GABBR2: variants seen among roughly 807,000 people sequenced by gnomAD.
The protein encoded by GABBR2 is G-protein coupled receptor 51.
In GABBR2, 23 loss-of-function variants were observed where a neutral mutation model predicts 105.6. The observed-to-expected ratio is 0.22, with a 90% CI of 0.16 to 0.31. GABBR2 has a LOEUF of 0.31. Among genes scored for constraint, GABBR2 ranks in the 10% least tolerant of loss-of-function variants. The probability of loss-of-function intolerance (pLI) is 1.00; values close to 1 mark genes in which losing one functional copy is unlikely to be tolerated. For synonymous variants in GABBR2, 478 were observed against 499.7 expected (o/e 0.96, Z 0.58); for missense variants, 734 against 1,245.5 (o/e 0.59, Z 6.18).
chr9:98,480,857 C>A (rs1374920720), intron 5 of GABBR2, 75 bp downstream of exon 5: 2 of 839,672 alleles, frequency 2.4e-6, no homozygotes, highest in African/African-American at 3.3e-5. Context: ...ACAGACTGAG[C>A]AGGGAGATAA....
intron 2 of GABBR2, among the ~76,000 whole-genome samples, chr9:98,575,103 G>A (rs1251396900): frequency 1.3e-5 from 2 of 151,850 alleles, no homozygotes; most frequent in Admixed American, 6.5e-5. Context: ...CCCCAAATCT[G>A]CAAAACCCTA....
intron 7 of GABBR2, among the ~76,000 whole-genome samples, chr9:98,426,501 C>G (rs529428730): frequency 1.3e-5 from 2 of 152,178 alleles, no homozygotes; most frequent in Non-Finnish European, 1.5e-5. Context: ...GATGAGTCAC[C>G]AGTTGAGCCC....
At position 98,454,270 on chromosome 9, in the gene GABBR2, A is replaced by G; in HGVS notation, c.1000-53T>C. 1 of 1,257,388 alleles carries G rather than the reference A, an allele frequency of 8.0e-7. No individual in the cohort carries two copies. The highest frequency in any genetic ancestry group is 1.2e-6 in the Non-Finnish European group (1 of 855,110). The allele number at this position is 1,257,388 out of a possible 1,614,324, so 77.9% of individuals were successfully genotyped here. A position where few individuals can be genotyped will look rare whatever the true frequency, so the allele number is the denominator to read the frequency against. ...CCAAGTTATACTCGGCAGGGACATC[A>G]GGTGCCTGATGCCGAGAAGAGCTGC... On this transcript the variant is annotated intron_variant, in intron 6 of 18. Transcript: ENST00000259455. The surrounding 1 kb of genome is among the most constrained non-coding windows in gnomAD (Gnocchi z 4.6).
intron 2 of GABBR2, among the ~76,000 whole-genome samples, chr9:98,571,529 G>A (rs539005558): frequency 6.6e-6 from 1 of 152,316 alleles, no homozygotes; most frequent in South Asian, 2.1e-4. Context: ...TGAAATGGCT[G>A]TGGTTTTGAT....
chr9:98,671,965 T>C (rs912028942), intron 1 of GABBR2, among the ~76,000 whole-genome samples: 2 of 152,150 alleles, frequency 1.3e-5, no homozygotes, highest in Admixed American at 6.5e-5. Flanking sequence ...GGTGGGGGCA[T>C]GAAGGAGGTA....
intron 1 of GABBR2, among the ~76,000 whole-genome samples, chr9:98,605,751 A>G (rs145365251): frequency 2.8e-3 from 429 of 152,312 alleles, no homozygotes; most frequent in Admixed American, 4.1e-3. Context: ...ATTCGGGATA[A>G]TGGAACTGTT....
At chr9:98,661,642 C>A (rs1830265417) in intron 1 of GABBR2, among the ~76,000 whole-genome samples, 1 of 152,182 alleles carries the variant, frequency 6.6e-6, no homozygotes, top group South Asian at 2.1e-4. Flanking sequence ...CTCAGGTGAT[C>A]CACCTGCCTC....
At chr9:98,557,307 C>T (rs1828603418) in intron 2 of GABBR2, among the ~76,000 whole-genome samples, 1 of 152,152 alleles carries the variant, frequency 6.6e-6, no homozygotes, top group Admixed American at 6.5e-5. Context: ...GGGTGTCTCC[C>T]CTACTGCACC....
intron 13 of GABBR2, among the ~76,000 whole-genome samples, chr9:98,323,802 A>G (rs1830868027): frequency 6.6e-6 from 1 of 152,176 alleles, no homozygotes; most frequent in Non-Finnish European, 1.5e-5. Flanking sequence ...TTGGCTGTTC[A>G]TGGTGACTCC....
intron 13 of GABBR2, among the ~76,000 whole-genome samples, chr9:98,323,376 C>G (rs1830860014): frequency 6.6e-6 from 1 of 152,262 alleles, no homozygotes; most frequent in Admixed American, 6.5e-5. Context: ...ATGGAAAGCC[C>G]TGCCATAAAT....
chr9:98,617,311 G>T (rs1327841848), intron 1 of GABBR2, among the ~76,000 whole-genome samples: 1 of 152,176 alleles, frequency 6.6e-6, no homozygotes, highest in African/African-American at 2.4e-5. Flanking sequence ...ATCTGGAGGG[G>T]TGAGGAAATG....
At chr9:98,417,791 G>C (rs1292752879) in intron 7 of GABBR2, among the ~76,000 whole-genome samples, 2 of 152,184 alleles carry the variant, frequency 1.3e-5, no homozygotes, top group African/African-American at 4.8e-5. Flanking sequence ...TGGGTACAGA[G>C]GGCTGGCAGC....
intron 7 of GABBR2, among the ~76,000 whole-genome samples, chr9:98,423,225 C>T (rs972842190): frequency 5.9e-5 from 9 of 152,204 alleles, no homozygotes; most frequent in Admixed American, 3.3e-4. Context: ...TACAGTCCCA[C>T]CAACAGTGTA....
intron 4 of GABBR2, among the ~76,000 whole-genome samples, chr9:98,486,200 G>A (rs1564088858): frequency 1.3e-5 from 2 of 152,170 alleles, no homozygotes; most frequent in Non-Finnish European, 2.9e-5. Flanking sequence ...CCTTGCCCCG[G>A]GTGGGTGTGG....
At position 98,289,227 on chromosome 9, in the gene GABBR2, C is replaced by A. The variant is rs557373744; in HGVS notation, c.*1357G>T. The A allele has an allele frequency of 5.9e-5, 9 of 152,450 alleles. No homozygotes were observed. The highest frequency in any genetic ancestry group is 2.2e-4 in the African/African-American group (9 of 41,534). The allele number at this position is 152,450 out of a possible 1,614,324, so 9.4% of individuals were successfully genotyped here. On this transcript the variant is annotated 3_prime_UTR_variant, in exon 19 of 19. Transcript: ENST00000259455. ...GGTACAAAGCTTTCCTGGACAAGATCAAGTTTCAATCCTCAGAGTGACCTT... is the reference window on the plus strand; with the variant it reads ...GGTACAAAGCTTTCCTGGACAAGATAAAGTTTCAATCCTCAGAGTGACCTT...
chr9:98,567,187 C>T (rs1004829789), intron 2 of GABBR2, among the ~76,000 whole-genome samples: 1 of 152,190 alleles, frequency 6.6e-6, no homozygotes, highest in South Asian at 2.1e-4. Flanking sequence ...GTGAAAGACG[C>T]ATAAACAATG....
chr9:98,400,676 T>C (rs1271388926), intron 8 of GABBR2, among the ~76,000 whole-genome samples: 1 of 152,214 alleles, frequency 6.6e-6, no homozygotes, highest in East Asian at 1.9e-4. Context: ...CCATGGCTCC[T>C]GCAGGGAGCA....
intron 6 of GABBR2, among the ~76,000 whole-genome samples, chr9:98,465,121 T>TAAAAAAAAAA (rs57747633): frequency 2.7e-3 from 59 of 22,002 alleles, no homozygotes; most frequent in African/African-American, 3.2e-3. Flanking sequence ...CAATAAATAC[T>TAAAAAAAAAA]AAAAAAAAAA....
At chr9:98,673,377 G>A (rs903476742) in intron 1 of GABBR2, among the ~76,000 whole-genome samples, 3 of 152,142 alleles carry the variant, frequency 2.0e-5, no homozygotes, top group African/African-American at 2.4e-5. Flanking sequence ...AATGCTACAT[G>A]TGCAGAGGAC....
Sources: gnomAD v4.1 joint callset for allele counts (sites outside exome capture counted in the v4.1 genomes callset) on GRCh38, gnomAD v4.1.1 for gene constraint, Gnocchi (gnomAD v3.1) non-coding constraint, MANE v1.5 for transcripts, NCBI Gene and HGNC (gene_info 2026-07-23, HGNC 2026-07-21) for gene names.